The following AGMO variants were observed in gnomAD, a reference collection of about 807,000 sequenced individuals.
AGMO encodes glyceryl-ether monooxygenase.
Under a neutral mutation model 60.2 loss-of-function variants are expected in AGMO, and 75 were observed. That is an observed-to-expected ratio of 1.25 (90% CI 1.03 to 1.51). The LOEUF (loss-of-function observed/expected upper bound fraction) is 1.51. AGMO is among the 40% of genes most tolerant of loss of function. The pLI is 0.00. For missense variants in AGMO, 763 were observed against 525.5 expected (o/e 1.45, Z -4.42); for synonymous variants, 261 against 177.1 (o/e 1.47, Z -3.76).
chr7:15,433,470 G>A (rs1043929008), intron 3 of AGMO, among the ~76,000 whole-genome samples: 1 of 152,028 alleles, frequency 6.6e-6, no homozygotes, highest in African/African-American at 2.4e-5. Flanking sequence ...TTGTTTCACA[G>A]TCTATATTCA....
the AGMO span, among the ~76,000 whole-genome samples, chr7:15,149,392 G>T: frequency 6.6e-6 from 1 of 151,948 alleles, no homozygotes; most frequent in Non-Finnish European, 1.5e-5. Flanking sequence ...TCCTTGCCAA[G>T]GCCTACATCC....
intron 12 of AGMO, among the ~76,000 whole-genome samples, chr7:15,328,529 A>G (rs764058767): frequency 6.6e-6 from 1 of 152,198 alleles, no homozygotes; most frequent in African/African-American, 2.4e-5. Flanking sequence ...AGGGAAGTAC[A>G]GGAATAATTG....
At chr7:15,443,739 C>T (rs547362434) in intron 3 of AGMO, among the ~76,000 whole-genome samples, 48 of 152,266 alleles carry the variant, frequency 3.2e-4, no homozygotes, top group African/African-American at 1.1e-3. Flanking sequence ...ATGATTTTTA[C>T]ATTTTCAAAT....
chr7:15,306,568 G>A (rs1158378371), intron 12 of AGMO: 1 of 329,794 alleles, frequency 3.0e-6, no homozygotes, highest in African/African-American at 6.4e-5. Flanking sequence ...GAATATGACT[G>A]TGTAAAAAAA....
intron 12 of AGMO, among the ~76,000 whole-genome samples, chr7:15,262,944 A>C (rs1304429910): frequency 6.6e-6 from 1 of 152,178 alleles, no homozygotes; most frequent in African/African-American, 2.4e-5. Context: ...TGGATCAAAG[A>C]CTTAAATATA....
At chr7:15,274,626 T>A (rs1041679517) in intron 12 of AGMO, among the ~76,000 whole-genome samples, 2 of 152,094 alleles carry the variant, frequency 1.3e-5, no homozygotes, top group Admixed American at 6.5e-5. Flanking sequence ...TTTATTTTTT[T>A]CAGTAAGTTT....
chr7:15,136,397 T>A, the AGMO span, among the ~76,000 whole-genome samples: 21 of 152,228 alleles, frequency 1.4e-4, no homozygotes, highest in Non-Finnish European at 1.5e-4. Context: ...TACTGTCAGC[T>A]GCACTATTCC....
At chr7:15,434,321 T>C (rs896675561) in intron 3 of AGMO, among the ~76,000 whole-genome samples, 22 of 152,152 alleles carry the variant, frequency 1.4e-4, no homozygotes, top group African/African-American at 5.1e-4. Flanking sequence ...TCCAACGGTA[T>C]TCATGCCTTT....
intron 3 of AGMO, among the ~76,000 whole-genome samples, chr7:15,502,592 G>A (rs971678221): frequency 6.6e-6 from 1 of 151,746 alleles, no homozygotes; most frequent in Admixed American, 6.6e-5. Context: ...ATTCTGTAAG[G>A]GCCACCCTAG....
intron 5 of AGMO, among the ~76,000 whole-genome samples, chr7:15,416,773 G>A (rs1780786264): frequency 6.6e-6 from 1 of 152,094 alleles, no homozygotes; most frequent in Non-Finnish European, 1.5e-5. Context: ...CATAAAGTGA[G>A]TATCTTTCTA....
Position 15,416,027 on chromosome 7 carries a change from C to CTTTTCT in AGMO, c.609+2530_609+2531insAGAAAA, listed in dbSNP as rs1554269474. 2.6e-4 allele frequency among the ~76,000 whole-genome samples: 34 copies of CTTTTCT among 130,882 alleles called. 1 individual carries two copies. The highest frequency in any genetic ancestry group is 7.6e-4 in the South Asian group (3 of 3,934). 85.9% of individuals were successfully genotyped at this position (130,882 alleles called of 152,430 possible). A position where few individuals can be genotyped will look rare whatever the true frequency, so the allele number is the denominator to read the frequency against. On this transcript the variant is annotated intron_variant, in intron 5 of 12. Transcript: ENST00000342526. ...TTGTTTGTTTTTCTTTTCTTTTTTT[C>CTTTTCT]TTTTTTTTTTTTTTTTTGGAGGTGG...
chr7:15,236,774 A>C (rs1481312570), intron 12 of AGMO, among the ~76,000 whole-genome samples: 1 of 151,644 alleles, frequency 6.6e-6, no homozygotes, highest in Non-Finnish European at 1.5e-5. Context: ...CACAAGAACA[A>C]AAAAAAATGG....
At position 15,328,376 on chromosome 7, in the gene AGMO, C is replaced by T. The variant is rs79858717; in HGVS notation, c.1263+37138G>A. On this transcript the variant is annotated intron_variant, in intron 12 of 12. Transcript: ENST00000342526. ...CCTCTCAAAGTGCTGGGATTACAGG[C>T]GTGAGCCACCACGCCCAGCCTGATT... 0.014 allele frequency among the ~76,000 whole-genome samples: 2,064 copies of T among 152,222 alleles called. 124 individuals carry two copies. The East Asian group carries it at 0.22, about 16-fold the overall frequency.
chr7:15,296,428 C>T (rs920106220), intron 12 of AGMO, among the ~76,000 whole-genome samples: 16 of 152,144 alleles, frequency 1.1e-4, no homozygotes, highest in African/African-American at 3.9e-4. Context: ...TTAACAGTTT[C>T]TTCCCTGTGC....
intron 3 of AGMO, among the ~76,000 whole-genome samples, chr7:15,510,565 T>C (rs1783644941): frequency 6.7e-6 from 1 of 149,868 alleles, no homozygotes; most frequent in African/African-American, 2.4e-5. Context: ...ATATGTCATA[T>C]ATGTGATATA....
At chr7:15,414,317 T>C (rs1390737982) in intron 5 of AGMO, among the ~76,000 whole-genome samples, 1 of 152,134 alleles carries the variant, frequency 6.6e-6, no homozygotes, top group Non-Finnish European at 1.5e-5. Flanking sequence ...GGATTTATAA[T>C]GTGAAAGATT....
At chr7:15,201,413 T>G (rs1444483719) in intron 12 of AGMO, 54 bp from the exon 13 acceptor site, 3 of 1,231,428 alleles carry the variant, frequency 2.4e-6, no homozygotes, top group Non-Finnish European at 2.4e-6. Context: ...TCAATACTAT[T>G]GCTCAACTGA....
chr7:15,397,149 C>T (rs1290860974), intron 5 of AGMO, among the ~76,000 whole-genome samples: 1 of 152,154 alleles, frequency 6.6e-6, no homozygotes, highest in East Asian at 1.9e-4. Context: ...AGAGGGAGCT[C>T]TCCCAGACAA....
the AGMO span, among the ~76,000 whole-genome samples, chr7:15,174,129 T>C: frequency 6.6e-6 from 1 of 152,062 alleles, no homozygotes; most frequent in Admixed American, 6.6e-5. Context: ...TTACATTTTT[T>C]GGTACTTCTA....
Sources: gnomAD v4.1 joint callset for allele counts (sites outside exome capture counted in the v4.1 genomes callset) on GRCh38, gnomAD v4.1.1 for gene constraint, MANE v1.5 for transcripts, NCBI Gene and HGNC (gene_info 2026-07-23, HGNC 2026-07-21) for gene names.